PHLPP1: variants seen among roughly 807,000 people sequenced by gnomAD.
PHLPP1 encodes the protein PH domain and leucine rich repeat protein phosphatase 1, also known as PH domain leucine-rich repeat-containing protein phosphatase 1.
In PHLPP1, 42 loss-of-function variants were observed where a neutral mutation model predicts 117.2. That is an observed-to-expected ratio of 0.36 (90% CI 0.28 to 0.46). The LOEUF is 0.46. Ranked by LOEUF, PHLPP1 falls within the 20% of genes least tolerant of loss-of-function variation. The probability of loss-of-function intolerance (pLI) is 1.00; values close to 1 mark genes in which losing one functional copy is unlikely to be tolerated. For synonymous variants in PHLPP1, 1,042 were observed against 970.7 expected (o/e 1.07, Z -1.37); for missense variants, 2,084 against 2,241.9 (o/e 0.93, Z 1.42).
At chr18:62,821,439 C>G (rs1301375978) in intron 1 of PHLPP1, among the ~76,000 whole-genome samples, 8 of 149,646 alleles carry the variant, frequency 5.3e-5, no homozygotes, top group African/African-American at 2.0e-4. Flanking sequence ...GTCCCAGCTA[C>G]TTGGGAGGCT....
chr18:62,850,092 AT>A (rs1915302509), intron 3 of PHLPP1, among the ~76,000 whole-genome samples: 1 of 124,788 alleles, frequency 8.0e-6, no homozygotes, highest in Non-Finnish European at 1.7e-5. Flanking sequence ...TTTTTTTTGT[AT>A]TTAGAAACAA....
At chr18:62,807,184 AAAAAG>A (rs1313066583) in intron 1 of PHLPP1, among the ~76,000 whole-genome samples, 1 of 152,132 alleles carries the variant, frequency 6.6e-6, no homozygotes, top group Non-Finnish European at 1.5e-5. Context: ...TTGTTATACA[AAAAAG>A]AAACTCTCAC....
intron 1 of PHLPP1, among the ~76,000 whole-genome samples, chr18:62,821,493 G>A (rs1914452031): frequency 7.1e-6 from 1 of 140,152 alleles, no homozygotes; most frequent in Non-Finnish European, 1.5e-5. Context: ...AGGTTGCAGT[G>A]AGCCGAGATC....
Position 62,972,663 on chromosome 18 carries a change from A to T in PHLPP1, c.3710A>T (p.Lys1237Ile), listed in dbSNP as rs774810403. ...DILAEELQKT[K>I]NEEEYMVNTF... ...TTGGCTGAAGAGCTGCAAAAAACAA[A>T]AAACGAAGAAGAATACATGGTCAAT... Residue 1237 changes from lysine (K) to isoleucine (I), a missense_variant, in exon 15 of 17, where the codon AAA becomes ATA. Transcript: ENST00000262719. 2 of 1,613,968 alleles carry T rather than the reference A, an allele frequency of 1.2e-6. No homozygotes were observed. Among genetic ancestry groups the T allele is most frequent in the Non-Finnish European group, 8.5e-7 (1 of 1,179,830 alleles).
chr18:62,792,355 G>C (rs1004984447), intron 1 of PHLPP1, among the ~76,000 whole-genome samples: 1 of 152,306 alleles, frequency 6.6e-6, no homozygotes, highest in South Asian at 2.1e-4. Context: ...GTGTGAAACA[G>C]TAGATTTTAT....
intron 12 of PHLPP1, among the ~76,000 whole-genome samples, chr18:62,949,656 A>G (rs574688549): frequency 6.6e-6 from 1 of 152,164 alleles, no homozygotes; most frequent in African/African-American, 2.4e-5. Flanking sequence ...AACCCCTACC[A>G]CCAGTCCAGT....
chr18:62,963,972 C>T (rs1355763458), intron 14 of PHLPP1, among the ~76,000 whole-genome samples: 1 of 152,054 alleles, frequency 6.6e-6, no homozygotes, highest in Non-Finnish European at 1.5e-5. Context: ...CTTGTCTTGC[C>T]ACCAGGACTT....
intron 7 of PHLPP1, among the ~76,000 whole-genome samples, chr18:62,904,437 A>G (rs1460490099): frequency 6.6e-6 from 1 of 152,236 alleles, no homozygotes; most frequent in African/African-American, 2.4e-5. Context: ...TTATAGAAGA[A>G]GGTTGAGGGT....
At chr18:62,767,434 A>T (rs1432236651) in intron 1 of PHLPP1, among the ~76,000 whole-genome samples, 1 of 152,246 alleles carries the variant, frequency 6.6e-6, no homozygotes, top group East Asian at 1.9e-4. Context: ...ACTGTATAAA[A>T]CTAGAGAGAA....
At chr18:62,954,532 A>G (rs1712869348) in intron 12 of PHLPP1, among the ~76,000 whole-genome samples, 2 of 152,210 alleles carry the variant, frequency 1.3e-5, no homozygotes, top group African/African-American at 2.4e-5. Flanking sequence ...AGAACATGAC[A>G]GAGTGCTTCT....
At chr18:62,864,975 T>C (rs1033243704) in intron 4 of PHLPP1, among the ~76,000 whole-genome samples, 3 of 152,228 alleles carry the variant, frequency 2.0e-5, no homozygotes, top group Non-Finnish European at 2.9e-5. Flanking sequence ...ATGGTAGGAC[T>C]GATTTGTTTG....
At chr18:62,974,126 C>T (rs1652072357) in intron 15 of PHLPP1, among the ~76,000 whole-genome samples, 1 of 152,204 alleles carries the variant, frequency 6.6e-6, no homozygotes, top group Non-Finnish European at 1.5e-5. Flanking sequence ...GAATTAAAAA[C>T]TGAGAACCCC....
chr18:62,966,810 A>T (rs932450559), intron 14 of PHLPP1, among the ~76,000 whole-genome samples: 4 of 152,244 alleles, frequency 2.6e-5, no homozygotes, highest in Non-Finnish European at 4.4e-5. Flanking sequence ...ATGTGTAACC[A>T]CCACTGCAGG....
intron 4 of PHLPP1, among the ~76,000 whole-genome samples, chr18:62,867,650 T>C (rs1353319078): frequency 6.6e-6 from 1 of 152,204 alleles, no homozygotes; most frequent in Non-Finnish European, 1.5e-5. Flanking sequence ...CCAGGGTATG[T>C]GCTTGTTCTT....
chr18:62,938,340 A>G (rs1342782245), intron 10 of PHLPP1, among the ~76,000 whole-genome samples: 3 of 152,110 alleles, frequency 2.0e-5, no homozygotes, highest in Non-Finnish European at 4.4e-5. Flanking sequence ...GAGCCTATTT[A>G]TTTACTAAAA....
intron 1 of PHLPP1, among the ~76,000 whole-genome samples, chr18:62,811,829 T>G (rs1445619554): frequency 1.3e-5 from 2 of 152,224 alleles, no homozygotes; most frequent in African/African-American, 4.8e-5. Flanking sequence ...GATAGCTTCT[T>G]AAGGTCAGTT....
chr18:62,962,039 C>G (rs1297337773), intron 13 of PHLPP1, among the ~76,000 whole-genome samples: 1 of 152,132 alleles, frequency 6.6e-6, no homozygotes, highest in African/African-American at 2.4e-5. Flanking sequence ...AATTTTAATT[C>G]TTGTGGTCAT....
chr18:62,955,456 G>A (rs1910584124), intron 12 of PHLPP1, among the ~76,000 whole-genome samples: 2 of 152,166 alleles, frequency 1.3e-5, no homozygotes, highest in East Asian at 3.9e-4. Flanking sequence ...AATTTCTGGT[G>A]CAGCCAGAGC....
chr18:62,758,275 CAT>C (rs1417050715), intron 1 of PHLPP1, among the ~76,000 whole-genome samples: 1 of 152,064 alleles, frequency 6.6e-6, no homozygotes, highest in Non-Finnish European at 1.5e-5. Context: ...TGATTAATAA[CAT>C]AGCTTTTAAA....
Sources: allele counts gnomAD v4.1 joint callset (sites outside exome capture counted in the v4.1 genomes callset), GRCh38; gene constraint gnomAD v4.1.1; transcripts MANE v1.5; gene names NCBI Gene and HGNC (gene_info 2026-07-23, HGNC 2026-07-21).